Variants in THSD7B observed in about 807,000 individuals in gnomAD.
THSD7B encodes thrombospondin type 1 domain containing 7B, also known as thrombospondin type-1 domain-containing protein 7B.
Under a neutral mutation model 213.6 loss-of-function variants are expected in THSD7B, and 138 were observed. That is an observed-to-expected ratio of 0.65 (90% CI 0.56 to 0.74). The LOEUF (loss-of-function observed/expected upper bound fraction) is 0.74. Ranked by LOEUF, THSD7B falls within the 30% of genes least tolerant of loss-of-function variation. THSD7B has a pLI of 0.00. For missense variants in THSD7B, 1,931 were observed against 1,991.5 expected (o/e 0.97, Z 0.58); for synonymous variants, 742 against 687.0 (o/e 1.08, Z -1.25).
At chr2:136,799,107 A>G (rs16836727) in intron 1 of THSD7B, among the ~76,000 whole-genome samples, 32,912 of 151,934 alleles carry the variant, frequency 0.22, 4,154 homozygotes, top group East Asian at 0.41. Context: ...CTAACCAGCA[A>G]CAATATCTTT....
At chr2:137,094,795 T>C (rs996482885) in intron 3 of THSD7B, 78 bp from the exon 4 acceptor site, 127 of 1,503,672 alleles carry the variant, frequency 8.4e-5, no homozygotes, top group Non-Finnish European at 1.1e-4. Context: ...GAGTTTTTTT[T>C]CTCATGGTAG....
intron 15 of THSD7B, among the ~76,000 whole-genome samples, chr2:137,556,281 G>T (rs1680964643): frequency 6.6e-6 from 1 of 152,156 alleles, no homozygotes; most frequent in African/African-American, 2.4e-5. Flanking sequence ...AATGTTAAGG[G>T]CAGACAGAGA....
At chr2:137,221,643 T>G (rs549666387) in intron 7 of THSD7B, among the ~76,000 whole-genome samples, 1 of 152,336 alleles carries the variant, frequency 6.6e-6, no homozygotes, top group African/African-American at 2.4e-5. Context: ...GTCAAGAATA[T>G]TTTTGGGGTG....
At chr2:136,825,904 T>C (rs1682640280) in intron 1 of THSD7B, among the ~76,000 whole-genome samples, 2 of 152,096 alleles carry the variant, frequency 1.3e-5, no homozygotes, top group East Asian at 1.9e-4. Flanking sequence ...ACCTTAATGA[T>C]TATTAAATGA....
chr2:136,838,340 G>A (rs908933893), intron 1 of THSD7B, among the ~76,000 whole-genome samples: 13 of 151,974 alleles, frequency 8.6e-5, no homozygotes, highest in African/African-American at 2.9e-4. Context: ...TCATATTTTG[G>A]GCTTAGGGAT....
intron 1 of THSD7B, among the ~76,000 whole-genome samples, chr2:136,833,947 T>C (rs1374730475): frequency 6.6e-6 from 1 of 151,938 alleles, no homozygotes; most frequent in South Asian, 2.1e-4. Flanking sequence ...TCCCCATAGA[T>C]TTTTTTTGAG....
intron 26 of THSD7B, among the ~76,000 whole-genome samples, chr2:137,664,968 AC>A (rs1212327432): frequency 1.3e-5 from 2 of 152,156 alleles, no homozygotes; most frequent in Non-Finnish European, 2.9e-5. Context: ...TGTCTTGATG[AC>A]CTGTTTAAAT....
chr2:137,573,708 A>G (rs72844526), intron 17 of THSD7B, among the ~76,000 whole-genome samples: 9,169 of 152,092 alleles, frequency 0.06, 424 homozygotes, highest in Non-Finnish European at 0.096. Flanking sequence ...TACTAATCCT[A>G]TTAGGTTGGT....
At chr2:137,450,399 C>A (rs1687624393) in intron 14 of THSD7B, among the ~76,000 whole-genome samples, 2 of 152,188 alleles carry the variant, frequency 1.3e-5, no homozygotes, top group Admixed American at 1.3e-4. Flanking sequence ...GTCCTCTTCC[C>A]ATCCCCAAGT....
intron 13 of THSD7B, among the ~76,000 whole-genome samples, chr2:137,411,144 G>T (rs1463284): frequency 2.0e-5 from 3 of 152,106 alleles, no homozygotes; most frequent in Admixed American, 2.0e-4. Flanking sequence ...GGAGCTGCCT[G>T]ATGGCAGAGA....
chr2:136,920,520 C>T (rs1482801371), intron 2 of THSD7B, among the ~76,000 whole-genome samples: 1 of 152,120 alleles, frequency 6.6e-6, no homozygotes, highest in Non-Finnish European at 1.5e-5. Flanking sequence ...CCATGGGTGG[C>T]CATGGGCAGA....
intron 17 of THSD7B, among the ~76,000 whole-genome samples, chr2:137,590,265 C>T (rs984540339): frequency 2.0e-5 from 3 of 152,294 alleles, no homozygotes; most frequent in African/African-American, 7.2e-5. Flanking sequence ...GTGGGACACA[C>T]TTAGGCCTGA....
chr2:137,456,909 T>C (rs1002399438), intron 15 of THSD7B, among the ~76,000 whole-genome samples: 9 of 152,186 alleles, frequency 5.9e-5, no homozygotes, highest in Non-Finnish European at 1.3e-4. Context: ...TAAAATGCCT[T>C]ATATAAGCTG....
At chr2:136,980,564 C>T (rs779115924) in intron 2 of THSD7B, among the ~76,000 whole-genome samples, 1 of 152,158 alleles carries the variant, frequency 6.6e-6, no homozygotes, top group Non-Finnish European at 1.5e-5. Flanking sequence ...TAGGAAATTC[C>T]TCCCAGTTCA....
intron 10 of THSD7B, 77 bp downstream of exon 10, chr2:137,242,649 T>C (rs1243415017): frequency 3.6e-6 from 4 of 1,096,916 alleles, no homozygotes; most frequent in Non-Finnish European, 5.3e-6. Context: ...TGAGAGGTTG[T>C]GGAATGTGAG....
At chr2:137,620,857 GA>G in intron 20 of THSD7B, 131 bp downstream of exon 20, 1 of 690,756 alleles carries the variant, frequency 1.4e-6, no homozygotes, top group Non-Finnish European at 2.4e-6. Flanking sequence ...CACAGGGGAA[GA>G]AAAACAGAGC....
intron 17 of THSD7B, among the ~76,000 whole-genome samples, chr2:137,587,083 A>T (rs1573727318): frequency 6.6e-6 from 1 of 152,098 alleles, no homozygotes; most frequent in African/African-American, 2.4e-5. Flanking sequence ...CATTTCATTC[A>T]TTTGATCTTC....
rs1186960170 is a variant in THSD7B, at chr2:137,487,921, G to A, written c.3138+36898G>A. Among the ~76,000 whole-genome samples, 12 of 52,660 alleles carry A rather than the reference G, an allele frequency of 2.3e-4. 4 individuals carry two copies. The highest frequency in any genetic ancestry group is 4.2e-4 in the African/African-American group (8 of 19,104). The allele number at this position is 52,660 out of a possible 152,430, so 34.5% of individuals were successfully genotyped here. A position where few individuals can be genotyped will look rare whatever the true frequency, so the allele number is the denominator to read the frequency against. On this transcript the variant is annotated intron_variant, in intron 15 of 27. Transcript: ENST00000409968. ...TGGGACTACAGGCGCCCGCCACTAC[G>A]CCCGGCTAATTTTTTGTATTTTTAG... is the stretch of plus-strand genomic sequence containing the variant.
intron 15 of THSD7B, among the ~76,000 whole-genome samples, chr2:137,503,815 A>G (rs1300116575): frequency 1.3e-5 from 2 of 152,052 alleles, no homozygotes; most frequent in African/African-American, 2.4e-5. Context: ...TCACAAGGTC[A>G]AGAGATCAAG....
Sources: gnomAD v4.1 joint callset for allele counts (sites outside exome capture counted in the v4.1 genomes callset) on GRCh38, gnomAD v4.1.1 for gene constraint, MANE v1.5 for transcripts, NCBI Gene and HGNC (gene_info 2026-07-23, HGNC 2026-07-21) for gene names.